The following RBFOX1 variants were observed in gnomAD, a reference collection of about 807,000 sequenced individuals.
The protein encoded by RBFOX1 is RNA binding protein fox-1 homolog 1.
A neutral mutation model predicts 57.7 loss-of-function variants in RBFOX1; 8 were observed. The ratio of observed to expected loss-of-function variants is 0.14; its 90% CI spans 0.08 to 0.25. The LOEUF is 0.25. Ranked by LOEUF, RBFOX1 falls within the 10% of genes least tolerant of loss-of-function variation. The pLI is 1.00. For missense variants in RBFOX1, 611 were observed against 548.5 expected (o/e 1.11, Z -1.14); for synonymous variants, 326 against 222.4 (o/e 1.47, Z -4.15).
At chr16:7,027,807 AAATG>A (rs1445413666) in intron 3 of RBFOX1, among the ~76,000 whole-genome samples, 1 of 152,044 alleles carries the variant, frequency 6.6e-6, no homozygotes, top group Non-Finnish European at 1.5e-5. Context: ...AGGAAGAAAT[AAATG>A]AGAAAGAAGG....
chr16:6,556,450 T>C (rs1238040158), intron 2 of RBFOX1, among the ~76,000 whole-genome samples: 1 of 152,190 alleles, frequency 6.6e-6, no homozygotes, highest in Non-Finnish European at 1.5e-5. Flanking sequence ...CTCAAATAAA[T>C]GTGATAAAAT....
intron 3 of RBFOX1, among the ~76,000 whole-genome samples, chr16:6,654,969 G>A (rs1324111393): frequency 6.8e-6 from 1 of 146,194 alleles, no homozygotes; most frequent in Non-Finnish European, 1.5e-5. Context: ...TGATGTTGAC[G>A]TTCATTGTGT....
At chr16:7,096,539 G>T (rs756376664) in intron 4 of RBFOX1, among the ~76,000 whole-genome samples, 2 of 152,052 alleles carry the variant, frequency 1.3e-5, no homozygotes, top group Non-Finnish European at 2.9e-5. Flanking sequence ...CACCTGGATT[G>T]AATTCCTTAC....
chr16:6,000,773 G>A (rs1251110731), intron 4 of RBFOX1, among the ~76,000 whole-genome samples: 2 of 141,834 alleles, frequency 1.4e-5, no homozygotes, highest in Admixed American at 7.0e-5. Flanking sequence ...AGGTGGACAG[G>A]TAGATGGATA....
intron 3 of RBFOX1, among the ~76,000 whole-genome samples, chr16:6,929,994 A>G (rs1399603486): frequency 2.0e-5 from 3 of 152,180 alleles, no homozygotes; most frequent in Non-Finnish European, 4.4e-5. Flanking sequence ...AGGAAGTAAT[A>G]GGAAAAACAG....
intron 2 of RBFOX1, among the ~76,000 whole-genome samples, chr16:5,499,875 G>A (rs1287646708): frequency 6.6e-6 from 1 of 152,162 alleles, no homozygotes; most frequent in Non-Finnish European, 1.5e-5. Flanking sequence ...GCCCGGCCAA[G>A]CCCAGGTTTT....
At chr16:5,732,421 G>C (rs1464583649) in intron 3 of RBFOX1, among the ~76,000 whole-genome samples, 1 of 152,208 alleles carries the variant, frequency 6.6e-6, no homozygotes, top group Non-Finnish European at 1.5e-5. Flanking sequence ...CTTAGTGGCA[G>C]TATGATTGTC....
At chr16:6,384,392 G>T (rs1485240944) in intron 2 of RBFOX1, among the ~76,000 whole-genome samples, 1 of 152,106 alleles carries the variant, frequency 6.6e-6, no homozygotes, top group East Asian at 1.9e-4. Flanking sequence ...TTTCAATTCA[G>T]CTAGATTCTG....
Position 7,275,228 on chromosome 16 carries a change from A to T in RBFOX1, c.27+223130A>T, listed in dbSNP as rs567398647. Among the ~76,000 whole-genome samples the T allele has an allele frequency of 2.6e-5, 4 of 152,310 alleles. No homozygotes were observed. The East Asian group carries it at 7.7e-4, about 29-fold the overall frequency. Reference sequence around the variant, plus strand: ...ACATCACATGCTACACTACTAACTCATTCAAAAATAGCATTGTGCCATTGC... The same window carrying T: ...ACATCACATGCTACACTACTAACTCTTTCAAAAATAGCATTGTGCCATTGC... On this transcript the variant is annotated intron_variant, in intron 4 of 15. Coordinates refer to ENST00000550418, the MANE Select transcript of RBFOX1 (RefSeq NM_018723.4).
intron 4 of RBFOX1, among the ~76,000 whole-genome samples, chr16:7,496,303 T>A (rs1229012072): frequency 6.6e-6 from 1 of 152,154 alleles, no homozygotes; most frequent in Non-Finnish European, 1.5e-5. Context: ...CCACCACATC[T>A]GTCTAATTTT....
intron 3 of RBFOX1, among the ~76,000 whole-genome samples, chr16:6,757,970 T>C (rs2076062397): frequency 6.6e-6 from 1 of 152,068 alleles, no homozygotes; most frequent in East Asian, 1.9e-4. Context: ...ACATCCAGGT[T>C]TTGTTGGTTG....
At chr16:6,933,224 T>A (rs1425499843) in intron 3 of RBFOX1, among the ~76,000 whole-genome samples, 1 of 152,176 alleles carries the variant, frequency 6.6e-6, no homozygotes, top group African/African-American at 2.4e-5. Flanking sequence ...CCTTTCAGAG[T>A]CCCTGCTTTC....
chr16:7,678,305 G>A lies in RBFOX1; in HGVS notation c.995+1467G>A, dbSNP rs778038108. ...GTTATCTCCAACACACTTTGACACT[G>A]GATTAGGAAAGTAGAGAGGGTCAAT... On this transcript the variant is annotated intron_variant, in intron 14 of 15. Transcript: ENST00000550418. 5.3e-5 allele frequency among the ~76,000 whole-genome samples: 8 copies of A among 152,218 alleles called. No homozygotes were observed. In the East Asian group the frequency reaches 5.8e-4, roughly 11 times the overall value.
intron 2 of RBFOX1, among the ~76,000 whole-genome samples, chr16:6,394,815 T>A (rs1056562729): frequency 4.6e-5 from 7 of 152,134 alleles, no homozygotes; most frequent in Non-Finnish European, 8.8e-5. Flanking sequence ...GACCCCTAAG[T>A]CCTTGGTGAA....
At chr16:6,814,271 AAG>A (rs1464024584) in intron 3 of RBFOX1, among the ~76,000 whole-genome samples, 2 of 151,860 alleles carry the variant, frequency 1.3e-5, no homozygotes, top group African/African-American at 2.4e-5. Flanking sequence ...GAGGAGGTCT[AAG>A]AGAGTCAGAA....
chr16:6,359,390 G>T (rs2087985608), intron 2 of RBFOX1, among the ~76,000 whole-genome samples: 1 of 152,120 alleles, frequency 6.6e-6, no homozygotes, highest in Non-Finnish European at 1.5e-5. Context: ...ACTGCACCTG[G>T]CCTAAAAAGG....
chr16:6,062,805 G>A (rs2095706288), intron 1 of RBFOX1, among the ~76,000 whole-genome samples: 1 of 151,956 alleles, frequency 6.6e-6, no homozygotes, highest in African/African-American at 2.4e-5. Flanking sequence ...GCTTCTAGGG[G>A]CGGCAAATAT....
At chr16:7,108,534 G>C (rs117855414) in intron 4 of RBFOX1, among the ~76,000 whole-genome samples, 1 of 152,114 alleles carries the variant, frequency 6.6e-6, no homozygotes, top group Non-Finnish European at 1.5e-5. Flanking sequence ...AGTATATGGT[G>C]GTGCAGAAGG....
chr16:6,601,302 T>G (rs527804564), intron 2 of RBFOX1, among the ~76,000 whole-genome samples: 5 of 152,182 alleles, frequency 3.3e-5, no homozygotes, highest in Non-Finnish European at 5.9e-5. Flanking sequence ...TATTTAAGCT[T>G]CTTACACTCT....
Sources: allele counts gnomAD v4.1 joint callset (sites outside exome capture counted in the v4.1 genomes callset), GRCh38; gene constraint gnomAD v4.1.1; transcripts MANE v1.5; gene names NCBI Gene and HGNC (gene_info 2026-07-23, HGNC 2026-07-21).